Variants in PAPPA observed in about 807,000 individuals in gnomAD.
PAPPA encodes pappalysin-1.
PAPPA carries 60 observed loss-of-function variants against 164.0 expected under a neutral mutation model. The ratio of observed to expected loss-of-function variants is 0.37; its 90% CI spans 0.30 to 0.45. The LOEUF is 0.45. Ranked by LOEUF, PAPPA falls within the 20% of genes least tolerant of loss-of-function variation. The probability of loss-of-function intolerance (pLI) is 1.00; values close to 1 mark genes in which losing one functional copy is unlikely to be tolerated. For synonymous variants in PAPPA, 875 were observed against 814.1 expected, an observed-to-expected ratio of 1.07 and a Z score of -1.27; for missense variants, 1,782 against 2,087.3, an observed-to-expected ratio of 0.85 and a Z score of 2.85.
chr9:116,310,198 C>A (rs113198837), intron 10 of PAPPA, among the ~76,000 whole-genome samples: 3 of 152,316 alleles, frequency 2.0e-5, no homozygotes, highest in Admixed American at 6.5e-5. Context: ...CCTTCCTTGC[C>A]TGCTCTGCCT....
At chr9:116,346,332 CT>C (rs925615908) in intron 14 of PAPPA, among the ~76,000 whole-genome samples, 1 of 151,832 alleles carries the variant, frequency 6.6e-6, no homozygotes, top group Non-Finnish European at 1.5e-5. Context: ...TTTTCCTAGG[CT>C]TTTTTTTGTC....
chr9:116,164,205 CA>C (rs1843697306), intron 1 of PAPPA, among the ~76,000 whole-genome samples: 1 of 152,114 alleles, frequency 6.6e-6, no homozygotes, highest in Non-Finnish European at 1.5e-5. Flanking sequence ...CATCATTTTC[CA>C]GACTATTTTC....
chr9:116,194,838 A>C (rs1445999672), intron 2 of PAPPA, among the ~76,000 whole-genome samples: 1 of 152,224 alleles, frequency 6.6e-6, no homozygotes, highest in African/African-American at 2.4e-5. Flanking sequence ...CTCATAAAAA[A>C]AGGCCTGGAT....
chr9:116,208,139 T>C (rs1320297940), intron 3 of PAPPA, among the ~76,000 whole-genome samples: 2 of 152,182 alleles, frequency 1.3e-5, no homozygotes, highest in Admixed American at 6.5e-5. Flanking sequence ...AAATTATACA[T>C]ATCCATAAAC....
chr9:116,245,675 G>A (rs1034615562), intron 7 of PAPPA, among the ~76,000 whole-genome samples: 2 of 152,190 alleles, frequency 1.3e-5, no homozygotes, highest in African/African-American at 2.4e-5. Context: ...TCCTGAAATA[G>A]AGGAATATAT....
intron 21 of PAPPA, among the ~76,000 whole-genome samples, chr9:116,384,270 T>TTAATAAAATAATAA (rs1554757046): frequency 1.4e-5 from 2 of 138,270 alleles, no homozygotes; most frequent in Non-Finnish European, 3.1e-5. Flanking sequence ...CTACACGTAA[T>TTAATAAAATAATAA]TAATAATAAT....
chr9:116,166,354 T>G (rs755332558), intron 1 of PAPPA, among the ~76,000 whole-genome samples: 1 of 152,242 alleles, frequency 6.6e-6, no homozygotes, highest in Non-Finnish European at 1.5e-5. Context: ...GTTTTGTGTG[T>G]GCACGGCAGC....
intron 10 of PAPPA, among the ~76,000 whole-genome samples, chr9:116,319,662 T>C (rs1444017454): frequency 6.6e-6 from 1 of 152,196 alleles, no homozygotes; most frequent in Admixed American, 6.5e-5. Flanking sequence ...GCATGTACAC[T>C]GTGTGGGTCT....
chr9:116,296,220 C>G lies in PAPPA; in HGVS notation c.2954-6537C>G, dbSNP rs1370663668. On this transcript the variant is annotated intron_variant, in intron 9 of 21. Coordinates refer to ENST00000328252, the MANE Select transcript of PAPPA (RefSeq NM_002581.5). Reference sequence around the variant, plus strand: ...TCTTTTAGAAAAAGTGTGACATACCCTATAAGAAGGTGCCTCTGTTTTGAT... The same window carrying G: ...TCTTTTAGAAAAAGTGTGACATACCGTATAAGAAGGTGCCTCTGTTTTGAT... Among the ~76,000 whole-genome samples the G allele has an allele frequency of 2.6e-5, 4 of 152,198 alleles. No individual in the cohort carries two copies. The East Asian group carries it at 7.7e-4, about 29-fold the overall frequency.
At position 116,400,971 on chromosome 9, in the gene PAPPA, G is replaced by C. The variant is rs1847044360; in HGVS notation, c.*4355G>C. ...ACAGTGGGAGGGCAGGAGATTTTGA[G>C]GCCCTGAGGTTTTAGGTGGGCTGTG... On this transcript the variant is annotated 3_prime_UTR_variant, in exon 22 of 22. Coordinates refer to ENST00000328252, the MANE Select transcript of PAPPA (RefSeq NM_002581.5). 2.0e-5 allele frequency: 3 copies of C among 152,592 alleles called. No individual in the cohort carries two copies. The allele number at this position is 152,592 out of a possible 1,614,324, so 9.5% of individuals were successfully genotyped here.
intron 6 of PAPPA, among the ~76,000 whole-genome samples, chr9:116,228,140 G>T (rs1271172174): frequency 6.6e-6 from 1 of 152,148 alleles, no homozygotes; most frequent in African/African-American, 2.4e-5. Flanking sequence ...TGTCTCTCAG[G>T]CTTACCAAGG....
intron 14 of PAPPA, 121 bp from the exon 15 acceptor site, chr9:116,346,905 C>T: frequency 1.5e-6 from 1 of 657,708 alleles, no homozygotes; most frequent in Non-Finnish European, 2.6e-6. Context: ...ACGTTAAACA[C>T]TAAGCATTGG....
At chr9:116,168,624 G>A (rs1168730265) in intron 1 of PAPPA, among the ~76,000 whole-genome samples, 2 of 152,158 alleles carry the variant, frequency 1.3e-5, no homozygotes, top group Non-Finnish European at 2.9e-5. Context: ...CCTTGTGTGG[G>A]GGTATAGTCA....
At chr9:116,222,369 C>G (rs1186717968) in intron 5 of PAPPA, among the ~76,000 whole-genome samples, 2 of 151,996 alleles carry the variant, frequency 1.3e-5, no homozygotes, top group African/African-American at 4.8e-5. Context: ...TGGTATAAAC[C>G]TATTGTAAGT....
intron 14 of PAPPA, 93 bp downstream of exon 14, chr9:116,344,804 TTAAA>T: frequency 7.4e-6 from 8 of 1,081,682 alleles, no homozygotes; most frequent in Non-Finnish European, 1.1e-5. Context: ...CCAGCAGCAC[TTAAA>T]ATAGTGCTGC....
chr9:116,377,780 T>C, intron 20 of PAPPA, 133 bp downstream of exon 20: 1 of 660,922 alleles, frequency 1.5e-6, no homozygotes, highest in Admixed American at 2.5e-5. Context: ...GCAGACTTCT[T>C]GGACAGGGAT....
At position 116,347,529 on chromosome 9, in the gene PAPPA, GACTGATGAA is replaced by G. The variant is rs1308316061; in HGVS notation, c.3964+324_3964+332del. On this transcript the variant is annotated intron_variant, in intron 15 of 21. Coordinates refer to ENST00000328252, the MANE Select transcript of PAPPA (RefSeq NM_002581.5). This position sits in a 1 kb window ranked among gnomAD's most constrained non-coding sequence, Gnocchi z 4.5. The stretch of plus-strand genomic sequence containing the variant: ...AAAAAGAAAAAAAAGTTACATTTGG[GACTGATGAA>G]ACTAATTCACTCTGTATGATTAGGG... Among the ~76,000 whole-genome samples, 4 of 152,186 alleles carry G rather than the reference GACTGATGAA, an allele frequency of 2.6e-5. No homozygotes were observed. The highest frequency in any genetic ancestry group is 6.5e-5 in the Admixed American group (1 of 15,288).
At chr9:116,235,723 G>A (rs1844656770) in intron 7 of PAPPA, 86 bp downstream of exon 7, 2 of 1,316,188 alleles carry the variant, frequency 1.5e-6, no homozygotes, top group African/African-American at 2.9e-5. Context: ...TGGACAGGGG[G>A]AAGGTTCATC....
At chr9:116,319,097 T>C (rs1307911142) in intron 10 of PAPPA, among the ~76,000 whole-genome samples, 2 of 152,148 alleles carry the variant, frequency 1.3e-5, no homozygotes, top group Non-Finnish European at 2.9e-5. Flanking sequence ...AGTAATGAGA[T>C]CCCAAGTCTT....
Sources: allele counts gnomAD v4.1 joint callset (sites outside exome capture counted in the v4.1 genomes callset), GRCh38; gene constraint gnomAD v4.1.1; non-coding constraint Gnocchi (gnomAD v3.1); transcripts MANE v1.5; gene names NCBI Gene and HGNC (gene_info 2026-07-23, HGNC 2026-07-21).